HMGCL: variants seen among roughly 807,000 people sequenced by gnomAD.
HMGCL encodes the protein hydroxymethylglutaryl-CoA lyase, mitochondrial.
Under a neutral mutation model 37.3 loss-of-function variants are expected in HMGCL, and 26 were observed. That is an observed-to-expected ratio of 0.70 (90% CI 0.51 to 0.97). The LOEUF (loss-of-function observed/expected upper bound fraction) is 0.97. Ranked by LOEUF, HMGCL falls within the 50% of genes least tolerant of loss-of-function variation. HMGCL has a pLI of 0.00. For missense variants in HMGCL, 379 were observed against 398.1 expected, an observed-to-expected ratio of 0.95 and a Z score of 0.41; for synonymous variants, 151 against 148.0, an observed-to-expected ratio of 1.02 and a Z score of -0.15.
At chr1:23,823,823 C>T (rs1232567989) in intron 1 of HMGCL, among the ~76,000 whole-genome samples, 1 of 151,598 alleles carries the variant, frequency 6.6e-6, no homozygotes, top group Non-Finnish European at 1.5e-5. Flanking sequence ...TGAGCCACTG[C>T]ACTCCAGTCT....
Position 23,806,854 on chromosome 1 carries a change from C to T in HMGCL, c.750+1281G>A, listed in dbSNP as rs1638419324. ...GTCTTACAATGTGCTATTTACACGC[C>T]TGTAATCTTCCATCTGTCTTCCCCA... On this transcript the variant is annotated intron_variant, in intron 7 of 8. Coordinates refer to ENST00000374490, the MANE Select transcript of HMGCL (RefSeq NM_000191.3). The surrounding 1 kb of genome is among the most constrained non-coding windows in gnomAD (Gnocchi z 4.0). 2.3e-6 allele frequency: 1 copy of T among 442,906 alleles called. No individual in the cohort carries two copies. Among genetic ancestry groups the T allele is most frequent in the Non-Finnish European group, 4.5e-6 (1 of 221,560 alleles). The allele number at this position is 442,906 out of a possible 1,614,324, so 27.4% of individuals were successfully genotyped here.
At chr1:23,809,995 C>T (rs1638490202) in intron 6 of HMGCL, 1 of 153,528 alleles carries the variant, frequency 6.5e-6, no homozygotes, top group Non-Finnish European at 1.5e-5. Flanking sequence ...TGGCAAGCAA[C>T]TTCACTTTTC....
In HMGCL at chr1:23,810,590, C is replaced by G. The variant is rs1013211901; in HGVS notation, c.561+146G>C. 5 of 722,498 alleles carry G rather than the reference C, an allele frequency of 6.9e-6. No individual in the cohort carries two copies. In the African/African-American group the frequency reaches 8.8e-5, roughly 13 times the overall value. 44.8% of individuals were successfully genotyped at this position (722,498 alleles called of 1,614,324 possible). A position where few individuals can be genotyped will look rare whatever the true frequency, so the allele number is the denominator to read the frequency against. ...TCTAGGGAGCAAGTGCAGGGCTGTG[C>G]TCACAGCAGGAGCTTAATGAAGGAG... On this transcript the variant is annotated intron_variant, in intron 6 of 8. Coordinates refer to ENST00000374490, the MANE Select transcript of HMGCL (RefSeq NM_000191.3).
rs1231859887 is a variant in HMGCL, at chr1:23,822,653, A to G, written c.61-2060T>C. ...AGCTTTCTTAGAGACTAAGGCGATGAGCCATTGAATTTCATGACGTCAACA... is the reference window on the plus strand; with the variant it reads ...AGCTTTCTTAGAGACTAAGGCGATGGGCCATTGAATTTCATGACGTCAACA... On this transcript the variant is annotated intron_variant, in intron 1 of 8. Coordinates refer to ENST00000374490, the MANE Select transcript of HMGCL (RefSeq NM_000191.3). Among the ~76,000 whole-genome samples the G allele has an allele frequency of 2.0e-5, 3 of 152,172 alleles. No homozygotes were observed. The East Asian group carries it at 5.8e-4, about 29-fold the overall frequency.
intron 6 of HMGCL, 115 bp from the exon 7 acceptor site, chr1:23,808,438 T>C: frequency 2.4e-6 from 2 of 834,842 alleles, no homozygotes; most frequent in Admixed American, 1.8e-5. Context: ...ACGCACTCAG[T>C]TCCTACTGGA....
Position 23,806,643 on chromosome 1 carries a change from C to A in HMGCL, c.750+1492G>T. ...ACTGCCTTAACCTGCTTCATTTTTT[C>A]TCCACAGTGTTTATGAACACCTGGC... On this transcript the variant is annotated intron_variant, in intron 7 of 8. Coordinates refer to ENST00000374490, the MANE Select transcript of HMGCL (RefSeq NM_000191.3). This position sits in a 1 kb window ranked among gnomAD's most constrained non-coding sequence, Gnocchi z 4.0. 3.5e-6 allele frequency: 1 copy of A among 282,320 alleles called. No homozygotes were observed. The highest frequency in any genetic ancestry group is 7.0e-6 in the Non-Finnish European group (1 of 143,132). The allele number at this position is 282,320 out of a possible 1,614,324, so 17.5% of individuals were successfully genotyped here. A position where few individuals can be genotyped will look rare whatever the true frequency, so the allele number is the denominator to read the frequency against.
Position 23,808,146 on chromosome 1 carries a change from T to G in HMGCL, c.739A>C (p.Met247Leu). The G allele has an allele frequency of 6.2e-7, 1 of 1,613,878 alleles. No individual in the cohort carries two copies. Among genetic ancestry groups the G allele is most frequent in the Non-Finnish European group, 8.5e-7 (1 of 1,179,826 alleles). ...TYGQALANTL[M>L]ALQMGVSVVD... ...ATGCTTTTGATTACCTGCAGGGCCA[T>G]CAAGGTGTTGGCCAGGGCTTGACCA... The change falls in exon 7 of 9, where the codon ATG (methionine) becomes CTG (leucine). Residue 247 changes from methionine to leucine, a missense_variant. By Grantham distance (15) the Met-to-Leu change is conservative. Coordinates refer to ENST00000374490, the MANE Select transcript of HMGCL (RefSeq NM_000191.3).
At chr1:23,819,005 C>A in intron 2 of HMGCL, among the ~76,000 whole-genome samples, 2 of 21,106 alleles carry the variant, frequency 9.5e-5, no homozygotes, top group African/African-American at 2.4e-4. Flanking sequence ...GATGGACGTG[C>A]TAAAAAAAAA....
chr1:23,810,818 G>A lies in HMGCL; in HGVS notation c.498-19C>T. 1 of 1,610,112 alleles carries A rather than the reference G, an allele frequency of 6.2e-7. No homozygotes were observed. Among genetic ancestry groups the A allele is most frequent in the Non-Finnish European group, 8.5e-7 (1 of 1,176,446 alleles). ...GACGTACCTGTGGGAAGACAGGGGA[G>A]GAATGAGGTCAGTGTCCTGAGCTTT... On this transcript the variant is annotated intron_variant, in intron 5 of 8. Coordinates refer to ENST00000374490, the MANE Select transcript of HMGCL (RefSeq NM_000191.3).
At chr1:23,818,180 C>T (rs75945713) in intron 2 of HMGCL, among the ~76,000 whole-genome samples, 2 of 152,292 alleles carry the variant, frequency 1.3e-5, no homozygotes, top group Admixed American at 1.3e-4. Context: ...CAGGTCCAGG[C>T]GGACACATTG....
rs1395100486 is a variant in HMGCL, at chr1:23,808,216, C to T, written c.669G>A (p.Gln223=). 3 of 1,614,018 alleles carry T rather than the reference C, an allele frequency of 1.9e-6. No homozygotes were observed. Among genetic ancestry groups the T allele is most frequent in the Admixed American group, 1.7e-5 (1 of 60,012 alleles). ...IMKDMLSAVM[Q]EVPLAALAVH... is the part of the protein sequence containing the mutation. ...CAGCCAGGGCAGCCAGAGGCACTTC[C>T]TGCATGACAGCAGATAGCATGTCTT... The change falls in exon 7 of 9, where the codon CAG becomes CAA. Residue 223 remains glutamine, a synonymous_variant. Transcript: ENST00000374490.
rs1188974448 is a variant in HMGCL, at chr1:23,812,259, C to T, written c.498-1460G>A. ...GGGTCCCAGAGAAGGGCACTAACTC[C>T]AGCTGAAGGACTGGAGCAGCTTCTC... On this transcript the variant is annotated intron_variant, in intron 5 of 8. Coordinates refer to ENST00000374490, the MANE Select transcript of HMGCL (RefSeq NM_000191.3). Among the ~76,000 whole-genome samples, 4 of 152,204 alleles carry T rather than the reference C, an allele frequency of 2.6e-5. No individual in the cohort carries two copies. In the East Asian group the frequency reaches 5.8e-4, roughly 22 times the overall value.
intron 2 of HMGCL, among the ~76,000 whole-genome samples, chr1:23,817,857 T>G (rs2148424390): frequency 6.6e-6 from 1 of 152,306 alleles, no homozygotes; most frequent in East Asian, 1.9e-4. Flanking sequence ...GAGTATGGGA[T>G]GGGGCCCCCA....
chr1:23,802,416 T>C lies in HMGCL; in HGVS notation c.*47A>G. On this transcript the variant is annotated 3_prime_UTR_variant, in exon 9 of 9. Coordinates refer to ENST00000374490, the MANE Select transcript of HMGCL (RefSeq NM_000191.3). The stretch of plus-strand genomic sequence containing the variant: ...TCCCCATCCATGAATCATCTGTGTG[T>C]GCCCCTATTTCCACATCATCCCCAG... The C allele has an allele frequency of 9.2e-7, 1 of 1,086,542 alleles. No individual in the cohort carries two copies. Among genetic ancestry groups the C allele is most frequent in the Non-Finnish European group, 1.4e-6 (1 of 698,098 alleles). The allele number at this position is 1,086,542 out of a possible 1,614,324, so 67.3% of individuals were successfully genotyped here.
intron 2 of HMGCL, among the ~76,000 whole-genome samples, chr1:23,818,391 C>T (rs1638653704): frequency 6.6e-6 from 1 of 152,136 alleles, no homozygotes. Context: ...GAAGTCGAGG[C>T]TGCAGTGAGC....
chr1:23,812,423 T>C (rs1357740721), intron 5 of HMGCL, among the ~76,000 whole-genome samples: 1 of 152,046 alleles, frequency 6.6e-6, no homozygotes, highest in Admixed American at 6.5e-5. Flanking sequence ...GTGGCATGAT[T>C]TTGGCTCACT....
intron 1 of HMGCL, among the ~76,000 whole-genome samples, chr1:23,823,261 C>G (rs1459735596): frequency 6.6e-6 from 1 of 151,696 alleles, no homozygotes; most frequent in Non-Finnish European, 1.5e-5. Context: ...AATTCCACTT[C>G]CTTCCTTCCC....
intron 2 of HMGCL, among the ~76,000 whole-genome samples, chr1:23,818,329 C>T (rs190851971): frequency 1.2e-4 from 18 of 152,050 alleles, no homozygotes; most frequent in African/African-American, 4.3e-4. Context: ...CGTGGTGGCA[C>T]GTGTCTGTGA....
rs538267501 is a variant in HMGCL at position 23,810,679 on chromosome 1, G to C, written c.561+57C>G. 4.8e-6 allele frequency: 7 copies of C among 1,462,794 alleles called. No individual in the cohort carries two copies. In the South Asian group the frequency reaches 8.0e-5, roughly 17 times the overall value. The allele number at this position is 1,462,794 out of a possible 1,614,324, so 90.6% of individuals were successfully genotyped here. On this transcript the variant is annotated intron_variant, in intron 6 of 8. Coordinates refer to ENST00000374490, the MANE Select transcript of HMGCL (RefSeq NM_000191.3). ...GTGGGGAGAGGAACCTATGCGCTCA[G>C]GGGCAGACAAGGTGGCCAACCCTCA...
Sources: allele counts gnomAD v4.1 joint callset (sites outside exome capture counted in the v4.1 genomes callset), GRCh38; gene constraint gnomAD v4.1.1; non-coding constraint Gnocchi (gnomAD v3.1); transcripts MANE v1.5; gene names NCBI Gene and HGNC (gene_info 2026-07-23, HGNC 2026-07-21).